The following ZNF577 variants were observed in gnomAD, a reference collection of about 807,000 sequenced individuals.
ZNF577 encodes zinc finger protein 577.
Under a neutral mutation model 13.9 loss-of-function variants are expected in ZNF577, and 14 were observed. The ratio of observed to expected loss-of-function variants is 1.00; its 90% CI spans 0.66 to 1.57. The LOEUF (loss-of-function observed/expected upper bound fraction) is 1.57, where lower values mean the gene tolerates loss of function less well. Among genes scored for constraint, ZNF577 ranks in the 40% most tolerant of loss-of-function variants. The pLI is 0.00. For missense variants in ZNF577, 555 were observed against 579.2 expected (o/e 0.96, Z 0.43); for synonymous variants, 203 against 202.9 (o/e 1.00, Z 0.00).
Position 51,861,330 on chromosome 19 carries a change from C to G in ZNF577, c.283+15952G>C, listed in dbSNP as rs149261468. ...ATTTTTAGTAGAGACAGGGTTTCATCATGTTGGCCAGGCTGGTCTCGAACT... is the reference window on the plus strand; with the variant it reads ...ATTTTTAGTAGAGACAGGGTTTCATGATGTTGGCCAGGCTGGTCTCGAACT... On this transcript the variant is annotated intron_variant and NMD_transcript_variant, in intron 5 of 10. Coordinates refer to the ZNF577 transcript ENST00000638827. 1,613 of 162,752 alleles carry G rather than the reference C, an allele frequency of 9.9e-3. 27 individuals carry two copies. The highest frequency in any genetic ancestry group is 0.034 in the African/African-American group (1,390 of 40,818). The allele number at this position is 162,752 out of a possible 1,614,324, so 10.1% of individuals were successfully genotyped here. A position where few individuals can be genotyped will look rare whatever the true frequency, so the allele number is the denominator to read the frequency against.
At chr19:51,879,345 G>A (rs1214949168) in intron 3 of ZNF577, among the ~76,000 whole-genome samples, 1 of 152,016 alleles carries the variant, frequency 6.6e-6, no homozygotes, top group Non-Finnish European at 1.5e-5. Context: ...TGAGGCAGGG[G>A]GCTCATGAGG....
At chr19:51,816,533 C>T (rs1380676547) in intron 9 of ZNF577, among the ~76,000 whole-genome samples, 1 of 152,216 alleles carries the variant, frequency 6.6e-6, no homozygotes, top group Non-Finnish European at 1.5e-5. Flanking sequence ...CTGGCGTGAA[C>T]CACCATGCCT....
At chr19:51,830,873 T>C (rs967626297) in intron 9 of ZNF577, among the ~76,000 whole-genome samples, 7 of 152,016 alleles carry the variant, frequency 4.6e-5, no homozygotes. Flanking sequence ...CATAAATGAC[T>C]CCCCCTAAAC....
At chr19:51,881,971 A>T (rs1285883771) in intron 1 of ZNF577, among the ~76,000 whole-genome samples, 1 of 152,178 alleles carries the variant, frequency 6.6e-6, no homozygotes, top group Non-Finnish European at 1.5e-5. Context: ...CTTTACACCC[A>T]GAGAGCTGAT....
chr19:51,851,116 C>A (rs2084376757), intron 5 of ZNF577, among the ~76,000 whole-genome samples: 1 of 152,116 alleles, frequency 6.6e-6, no homozygotes, highest in Admixed American at 6.5e-5. Context: ...GGCATAATTA[C>A]AATCTTTATA....
intron 1 of ZNF577, among the ~76,000 whole-genome samples, chr19:51,881,337 T>C (rs2084858542): frequency 6.6e-6 from 1 of 152,102 alleles, no homozygotes; most frequent in Non-Finnish European, 1.5e-5. Context: ...ATAAAAGAAG[T>C]GGTGGCTCAA....
intron 9 of ZNF577, among the ~76,000 whole-genome samples, chr19:51,822,248 GC>G (rs1310887726): frequency 1.3e-5 from 2 of 152,158 alleles, no homozygotes; most frequent in Admixed American, 1.3e-4. Context: ...TAGTGTTATT[GC>G]CCAGAATTTA....
At chr19:51,858,448 G>GA in intron 5 of ZNF577, among the ~76,000 whole-genome samples, 1 of 152,142 alleles carries the variant, frequency 6.6e-6, no homozygotes, top group Non-Finnish European at 1.5e-5. Flanking sequence ...AACACACACA[G>GA]AAAAATGTTG....
In ZNF577 at chr19:51,873,423, AC is replaced by A. The variant is rs758009868; in HGVS notation, c.566del (p.Gly189ValfsTer8). On this transcript the variant is annotated frameshift_variant, in exon 6 of 6. Transcript: ENST00000638348. LOFTEE classifies it low-confidence loss of function (END_TRUNC). ...TCCTCATGAATGTTTTCCCACATTC[AC>A]CACATCCATGGGGTTTCTCTCCTCT... ...TERGEKPHGC[G>X]ECGKTFMRKI... The A allele has an allele frequency of 1.2e-6, 2 of 1,614,076 alleles. No homozygotes were observed. The highest frequency in any genetic ancestry group is 1.7e-6 in the Non-Finnish European group (2 of 1,180,008).
intron 1 of ZNF577, among the ~76,000 whole-genome samples, chr19:51,883,143 C>A (rs866416030): frequency 5.3e-5 from 8 of 151,984 alleles, no homozygotes; most frequent in African/African-American, 1.7e-4. Flanking sequence ...CAGGTGCCCA[C>A]CACCACGCCC....
At chr19:51,878,580 G>T in intron 3 of ZNF577, 65 bp from the exon 4 acceptor site, 1 of 1,588,194 alleles carries the variant, frequency 6.3e-7, no homozygotes, top group Non-Finnish European at 8.6e-7. Context: ...AAGAGGGACG[G>T]GGACATGTCT....
At chr19:51,858,558 TCAAA>T (rs1246755417) in intron 5 of ZNF577, among the ~76,000 whole-genome samples, 2 of 152,182 alleles carry the variant, frequency 1.3e-5, no homozygotes, top group African/African-American at 2.4e-5. Context: ...TTGACAACTG[TCAAA>T]CAAAATGGGG....
chr19:51,847,761 G>A (rs1252678263), intron 5 of ZNF577, among the ~76,000 whole-genome samples: 1 of 152,158 alleles, frequency 6.6e-6, no homozygotes, highest in Non-Finnish European at 1.5e-5. Flanking sequence ...CCACAGCGCT[G>A]CGGGATTCCT....
At chr19:51,815,059 C>T (rs974157572) in intron 9 of ZNF577, among the ~76,000 whole-genome samples, 1 of 152,166 alleles carries the variant, frequency 6.6e-6, no homozygotes, top group Non-Finnish European at 1.5e-5. Context: ...ATCCGCCCAC[C>T]TCGGCCTCCC....
At chr19:51,864,652 G>C (rs1036062200), downstream of ZNF577, among the ~76,000 whole-genome samples, 1 of 152,178 alleles carries the variant, frequency 6.6e-6, no homozygotes, top group South Asian at 2.1e-4. Flanking sequence ...GAGTGAAACG[G>C]TGAAGCAAGG....
At chr19:51,813,314 T>C (rs2084111231) in intron 9 of ZNF577, among the ~76,000 whole-genome samples, 1 of 152,138 alleles carries the variant, frequency 6.6e-6, no homozygotes. Flanking sequence ...TATAGGACTC[T>C]TATAAGGCAC....
At chr19:51,828,851 GA>G (rs2084245624) in intron 9 of ZNF577, among the ~76,000 whole-genome samples, 1 of 152,142 alleles carries the variant, frequency 6.6e-6, no homozygotes. Flanking sequence ...AAACTCTGGT[GA>G]ATATAGACAG....
At chr19:51,806,822 T>C (rs544892368) in intron 10 of ZNF577, among the ~76,000 whole-genome samples, 2 of 152,382 alleles carry the variant, frequency 1.3e-5, no homozygotes, top group East Asian at 3.9e-4. Context: ...TAAGCAGTTC[T>C]GGGTCTAGCG....
chr19:51,878,710 A>T (rs553603299), intron 3 of ZNF577, 195 bp from the exon 4 acceptor site: 1 of 517,894 alleles, frequency 1.9e-6, no homozygotes, highest in Non-Finnish European at 3.4e-6. Flanking sequence ...CATAGATATG[A>T]AACAACATGT....
Sources: allele counts gnomAD v4.1 joint callset (sites outside exome capture counted in the v4.1 genomes callset), GRCh38; gene constraint gnomAD v4.1.1; transcripts MANE v1.5; gene names NCBI Gene and HGNC (gene_info 2026-07-23, HGNC 2026-07-21).